Variants in GTF2A2 observed in about 807,000 individuals in gnomAD.
The protein encoded by GTF2A2 is general transcription factor IIA subunit 2, also known as transcription initiation factor IIA subunit 2.
Under a neutral mutation model 14.3 loss-of-function variants are expected in GTF2A2, and 9 were observed. The ratio of observed to expected loss-of-function variants is 0.63; its 90% CI spans 0.38 to 1.10. The LOEUF (loss-of-function observed/expected upper bound fraction) is 1.10, where lower values mean the gene tolerates loss of function less well. Ranked by LOEUF, GTF2A2 falls within the 50% of genes least tolerant of loss-of-function variation. The pLI, the probability that GTF2A2 is intolerant of heterozygous loss-of-function variation, is 0.01. For missense variants in GTF2A2, 90 were observed against 124.6 expected, an observed-to-expected ratio of 0.72 and a Z score of 1.32; for synonymous variants, 56 against 46.0, an observed-to-expected ratio of 1.22 and a Z score of -0.88.
At chr15:59,651,700 A>G (rs1891797355) in intron 2 of GTF2A2, 2 of 152,192 alleles carry the variant, frequency 1.3e-5, no homozygotes, top group Admixed American at 6.5e-5. Context: ...AACTTTATTT[A>G]TTTAGAGGCA....
At chr15:59,640,292 A>G (rs1891366371) in intron 4 of GTF2A2, 1 of 152,188 alleles carries the variant, frequency 6.6e-6, no homozygotes, top group Non-Finnish European at 1.5e-5. Flanking sequence ...AAGGACTACC[A>G]GACAGGAGCT....
intron 2 of GTF2A2, chr15:59,651,821 G>C: frequency 6.2e-6 from 1 of 161,322 alleles, no homozygotes; most frequent in South Asian, 1.7e-4. Context: ...CGAGTAACTG[G>C]GACTATAGGC....
At position 59,638,666 on chromosome 15, in the gene GTF2A2, A is replaced by T. The variant is rs8027421; in HGVS notation, c.*466T>A. 9,685 of 152,496 alleles carry T rather than the reference A, an allele frequency of 0.064. 596 individuals are homozygous for T. The highest frequency in any genetic ancestry group is 0.25 in the East Asian group (1,307 of 5,192). The allele number at this position is 152,496 out of a possible 1,614,324, so 9.4% of individuals were successfully genotyped here. ...CTTTGGTTTTGTATTTTAAAAAGCA[A>T]GGGATTTTCTTAAAAAATTCCATCC... is the stretch of plus-strand genomic sequence containing the variant. On this transcript the variant is annotated 3_prime_UTR_variant, in exon 5 of 5. Transcript: ENST00000396060.
At chr15:59,649,720 C>A (rs911661099) in intron 3 of GTF2A2, among the ~76,000 whole-genome samples, 1 of 152,108 alleles carries the variant, frequency 6.6e-6, no homozygotes, top group Admixed American at 6.5e-5. Context: ...TTATCCTTCA[C>A]TAAAATTTAA....
intron 4 of GTF2A2, among the ~76,000 whole-genome samples, chr15:59,640,956 C>G (rs1471134777): frequency 1.3e-5 from 2 of 152,184 alleles, no homozygotes; most frequent in Non-Finnish European, 2.9e-5. Flanking sequence ...ACCTTCTGAA[C>G]TATAACAAGT....
At chr15:59,654,929 T>C (rs1309887362) in intron 1 of GTF2A2, among the ~76,000 whole-genome samples, 2 of 152,210 alleles carry the variant, frequency 1.3e-5, no homozygotes, top group Non-Finnish European at 2.9e-5. Context: ...TTCCTTTCAG[T>C]GTCATGTTGG....
At chr15:59,653,135 A>C (rs1891843638) in intron 1 of GTF2A2, among the ~76,000 whole-genome samples, 1 of 152,160 alleles carries the variant, frequency 6.6e-6, no homozygotes, top group Non-Finnish European at 1.5e-5. Flanking sequence ...GATAGGTGCA[A>C]GCAGTGGGGA....
chr15:59,647,916 C>T (rs1444181119), intron 3 of GTF2A2, among the ~76,000 whole-genome samples: 1 of 152,088 alleles, frequency 6.6e-6, no homozygotes, highest in South Asian at 2.1e-4. Context: ...GTTACAGAAA[C>T]ATCAAAAAAC....
Position 59,638,081 on chromosome 15 carries a change from TA to T in GTF2A2, c.*1050del, listed in dbSNP as rs1398963701. The stretch of plus-strand genomic sequence containing the variant: ...AATGAATTGGAAGATGAAACAATTT[TA>T]TTTTCTTTGTAGGGACAGTCTATAT... On this transcript the variant is annotated 3_prime_UTR_variant, in exon 5 of 5. Coordinates refer to ENST00000396060, the MANE Select transcript of GTF2A2 (RefSeq NM_004492.3). The T allele has an allele frequency of 6.6e-6, 1 of 152,146 alleles. No individual in the cohort carries two copies. The highest frequency in any genetic ancestry group is 1.5e-5 in the Non-Finnish European group (1 of 68,036). 9.4% of individuals were successfully genotyped at this position (152,146 alleles called of 1,614,324 possible).
At chr15:59,644,651 TGGA>T (rs1221570759) in intron 3 of GTF2A2, among the ~76,000 whole-genome samples, 1 of 152,184 alleles carries the variant, frequency 6.6e-6, no homozygotes, top group Non-Finnish European at 1.5e-5. Context: ...CTCAAGAGTA[TGGA>T]GGACACAAGG....
intron 3 of GTF2A2, among the ~76,000 whole-genome samples, chr15:59,646,617 A>T (rs532754702): frequency 6.6e-6 from 1 of 152,360 alleles, no homozygotes; most frequent in South Asian, 2.1e-4. Context: ...TACATATCAT[A>T]TGCTGAAATT....
intron 1 of GTF2A2, among the ~76,000 whole-genome samples, chr15:59,653,695 C>G (rs1891861281): frequency 6.6e-6 from 1 of 152,010 alleles, no homozygotes; most frequent in Non-Finnish European, 1.5e-5. Flanking sequence ...TATCTCCAGC[C>G]CTCAATTCTC....
At chr15:59,645,826 G>C (rs1018801257) in intron 3 of GTF2A2, among the ~76,000 whole-genome samples, 2 of 151,924 alleles carry the variant, frequency 1.3e-5, no homozygotes, top group African/African-American at 4.8e-5. Context: ...ACTGAGGTGA[G>C]GAGTTCAAGA....
intron 3 of GTF2A2, 119 bp from the exon 4 acceptor site, chr15:59,642,381 A>G: frequency 1.2e-6 from 1 of 826,798 alleles, no homozygotes; most frequent in Non-Finnish European, 1.7e-6. Flanking sequence ...TTAGCTTAAG[A>G]TTTTCCTTAA....
chr15:59,645,724 A>T (rs1460035062), intron 3 of GTF2A2, among the ~76,000 whole-genome samples: 2 of 151,956 alleles, frequency 1.3e-5, no homozygotes, highest in Non-Finnish European at 2.9e-5. Flanking sequence ...GTTGTGTGTA[A>T]TCCACGATCT....
intron 3 of GTF2A2, among the ~76,000 whole-genome samples, chr15:59,649,228 G>T (rs146107505): frequency 1.3e-5 from 2 of 152,190 alleles, no homozygotes; most frequent in African/African-American, 2.4e-5. Context: ...GATAAAAAGC[G>T]TGAGTTAGAA....
intron 1 of GTF2A2, among the ~76,000 whole-genome samples, chr15:59,656,363 C>T (rs1891942404): frequency 6.6e-6 from 1 of 152,012 alleles, no homozygotes; most frequent in Admixed American, 6.5e-5. Flanking sequence ...AACTGACCAC[C>T]GTCATCTTTA....
chr15:59,645,385 G>C (rs1173839844), intron 3 of GTF2A2, among the ~76,000 whole-genome samples: 1 of 152,118 alleles, frequency 6.6e-6, no homozygotes, highest in South Asian at 2.1e-4. Flanking sequence ...AGCAGAGACA[G>C]AACTACAGAG....
At chr15:59,655,566 TC>T (rs1459506978) in intron 1 of GTF2A2, among the ~76,000 whole-genome samples, 1 of 152,212 alleles carries the variant, frequency 6.6e-6, no homozygotes, top group African/African-American at 2.4e-5. Flanking sequence ...TGCTGGTTGA[TC>T]CCGTTTTCGC....
Sources: gnomAD v4.1 joint callset for allele counts (sites outside exome capture counted in the v4.1 genomes callset) on GRCh38, gnomAD v4.1.1 for gene constraint, MANE v1.5 for transcripts, NCBI Gene and HGNC (gene_info 2026-07-23, HGNC 2026-07-21) for gene names.